Variants in FHIT observed in about 807,000 individuals in gnomAD.
FHIT encodes the protein fragile histidine triad diadenosine triphosphatase, also known as bis(5'-adenosyl)-triphosphatase.
A neutral mutation model predicts 17.9 loss-of-function variants in FHIT; 19 were observed. The observed-to-expected ratio is 1.06, with a 90% CI of 0.74 to 1.56. The LOEUF is 1.56. Ranked by LOEUF, FHIT falls within the 40% of genes most tolerant of loss-of-function variation. FHIT has a pLI of 0.00. For missense variants in FHIT, 248 were observed against 189.2 expected, an observed-to-expected ratio of 1.31 and a Z score of -1.82; for synonymous variants, 81 against 69.7, an observed-to-expected ratio of 1.16 and a Z score of -0.81.
chr3:60,218,668 A>G (rs1703811399), intron 5 of FHIT, among the ~76,000 whole-genome samples: 1 of 152,090 alleles, frequency 6.6e-6, no homozygotes, highest in Admixed American at 6.6e-5. Context: ...TGTGCTCAAT[A>G]CTAATTACAG....
At chr3:60,749,460 A>G (rs1274920907) in intron 4 of FHIT, among the ~76,000 whole-genome samples, 2 of 152,138 alleles carry the variant, frequency 1.3e-5, no homozygotes, top group African/African-American at 4.8e-5. Flanking sequence ...ATGGAGGGAA[A>G]GGGTGGATTC....
intron 5 of FHIT, among the ~76,000 whole-genome samples, chr3:60,478,465 G>A (rs2033452611): frequency 6.6e-6 from 1 of 152,132 alleles, no homozygotes; most frequent in Admixed American, 6.5e-5. Flanking sequence ...ACCTAACTAT[G>A]ATTATGTCAT....
At chr3:60,114,201 A>T (rs1038963455) in intron 5 of FHIT, among the ~76,000 whole-genome samples, 8 of 150,346 alleles carry the variant, frequency 5.3e-5, no homozygotes, top group African/African-American at 1.7e-4. Context: ...AACAGTATGA[A>T]TATTCCTATT....
intron 5 of FHIT, among the ~76,000 whole-genome samples, chr3:60,019,145 A>C (rs1700455872): frequency 6.6e-6 from 1 of 152,148 alleles, no homozygotes; most frequent in South Asian, 2.1e-4. Context: ...CCTTCACTCT[A>C]CATGCTCTTC....
At chr3:60,223,206 A>G (rs1162047979) in intron 5 of FHIT, among the ~76,000 whole-genome samples, 1 of 152,298 alleles carries the variant, frequency 6.6e-6, no homozygotes, top group Non-Finnish European at 1.5e-5. Flanking sequence ...CTAGGCACTC[A>G]GTGGTGTCAT....
chr3:60,834,697 G>GA (rs111777595), intron 3 of FHIT, among the ~76,000 whole-genome samples: 11,357 of 146,644 alleles, frequency 0.077, 536 homozygotes, highest in African/African-American at 0.12. Flanking sequence ...CAACTAAAAA[G>GA]AAAAAAAAAA....
intron 8 of FHIT, among the ~76,000 whole-genome samples, chr3:59,869,781 C>G (rs143091557): frequency 6.6e-6 from 1 of 151,872 alleles, no homozygotes. Flanking sequence ...CCACCACAAC[C>G]GGCGAAGGAT....
At chr3:60,039,829 A>C (rs1408704765) in intron 5 of FHIT, among the ~76,000 whole-genome samples, 1 of 152,180 alleles carries the variant, frequency 6.6e-6, no homozygotes, top group Non-Finnish European at 1.5e-5. Flanking sequence ...TTTCTGAGCC[A>C]TCTTAACTTT....
chr3:60,428,326 G>A (rs1341848497), intron 5 of FHIT, among the ~76,000 whole-genome samples: 1 of 152,140 alleles, frequency 6.6e-6, no homozygotes, highest in Non-Finnish European at 1.5e-5. Flanking sequence ...AATGATAACT[G>A]TTCGAATTAT....
chr3:59,921,728 A>G lies in FHIT; in HGVS notation c.348+618T>C, dbSNP rs564266539. Among the ~76,000 whole-genome samples, 6 of 152,350 alleles carry G rather than the reference A, an allele frequency of 3.9e-5. 1 individual carries two copies. In the South Asian group the frequency reaches 1.2e-3, roughly 32 times the overall value. ...TGGAAATGGGCATCTGAAAGTTCTC[A>G]TGTAGACAGGGCTTTAGGCGCAGAT... On this transcript the variant is annotated intron_variant, in intron 8 of 9. Transcript: ENST00000492590.
At chr3:60,543,686 G>T (rs1559526790) in intron 4 of FHIT, among the ~76,000 whole-genome samples, 1 of 151,958 alleles carries the variant, frequency 6.6e-6, no homozygotes, top group African/African-American at 2.4e-5. Flanking sequence ...CTTATAGCTG[G>T]CAATCTAGCT....
intron 5 of FHIT, among the ~76,000 whole-genome samples, chr3:60,130,653 T>C (rs892621404): frequency 1.4e-4 from 22 of 151,962 alleles, no homozygotes; most frequent in Admixed American, 9.2e-4. Context: ...ACACCCCACA[T>C]TGTTGAAAAA....
In FHIT at chr3:60,913,403, G is replaced by C. The variant is rs191817515; in HGVS notation, c.-110-91392C>G. 2.4e-3 allele frequency among the ~76,000 whole-genome samples: 360 copies of C among 152,312 alleles called. 6 individuals are homozygous for C. Among genetic ancestry groups the C allele is most frequent in the Admixed American group, 0.02 (305 of 15,302 alleles). Reference sequence around the variant, plus strand: ...CTGTGAACCACAGAACAGAACATCAGTTTCACCTGGGGACTTCATAGAAAT... The same window carrying C: ...CTGTGAACCACAGAACAGAACATCACTTTCACCTGGGGACTTCATAGAAAT... On this transcript the variant is annotated intron_variant, in intron 3 of 9. Transcript: ENST00000492590.
chr3:60,415,435 G>A (rs1702211052), intron 5 of FHIT, among the ~76,000 whole-genome samples: 2 of 152,224 alleles, frequency 1.3e-5, no homozygotes, highest in South Asian at 2.1e-4. Flanking sequence ...CCTTTGTGAA[G>A]CTACGACAAT....
At chr3:60,079,099 G>C (rs1703161187) in intron 5 of FHIT, among the ~76,000 whole-genome samples, 2 of 152,184 alleles carry the variant, frequency 1.3e-5, no homozygotes, top group South Asian at 2.1e-4. Flanking sequence ...AAACAAGATG[G>C]TGCTGCAAAG....
chr3:60,066,630 A>ATTTT lies in FHIT; in HGVS notation c.104-52482_104-52479dup, dbSNP rs71089574. ...ATAGGTTGATTTTAATCCCTGACAA[A>ATTTT]TTTTTTTTTTTTTTTTTTTTTTTTT... is the stretch of plus-strand genomic sequence containing the variant. On this transcript the variant is annotated intron_variant, in intron 5 of 9. Coordinates refer to ENST00000492590, the MANE Select transcript of FHIT (RefSeq NM_002012.4). Among the ~76,000 whole-genome samples the ATTTT allele has an allele frequency of 2.3e-3, 117 of 51,418 alleles. 18 individuals are homozygous for ATTTT. Among genetic ancestry groups the ATTTT allele is most frequent in the East Asian group, 5.2e-3 (7 of 1,342 alleles). 33.7% of individuals were successfully genotyped at this position (51,418 alleles called of 152,430 possible).
intron 3 of FHIT, among the ~76,000 whole-genome samples, chr3:61,026,019 T>C (rs557428722): frequency 1.3e-5 from 2 of 152,328 alleles, no homozygotes; most frequent in South Asian, 2.1e-4. Flanking sequence ...TATTTCTAAA[T>C]GTTAAAATCT....
intron 5 of FHIT, among the ~76,000 whole-genome samples, chr3:60,225,330 TCTTA>T (rs1014192027): frequency 4.5e-4 from 69 of 152,282 alleles, no homozygotes; most frequent in African/African-American, 1.6e-3. Flanking sequence ...GCAGGCAAAC[TCTTA>T]CTGTCCTGCC....
intron 4 of FHIT, among the ~76,000 whole-genome samples, chr3:60,661,038 T>TC (rs2040235844): frequency 6.6e-6 from 1 of 151,954 alleles, no homozygotes; most frequent in Admixed American, 6.6e-5. Context: ...TAAGGACACT[T>TC]TGGTTTGTTT....
Sources: allele counts gnomAD v4.1 joint callset (sites outside exome capture counted in the v4.1 genomes callset), GRCh38; gene constraint gnomAD v4.1.1; transcripts MANE v1.5; gene names NCBI Gene and HGNC (gene_info 2026-07-23, HGNC 2026-07-21).